SYT1: variants seen among roughly 807,000 people sequenced by gnomAD.
The protein encoded by SYT1 is synaptotagmin 1.
A neutral mutation model predicts 44.8 loss-of-function variants in SYT1; 8 were observed. The ratio of observed to expected loss-of-function variants is 0.18; its 90% confidence interval spans 0.10 to 0.32. SYT1 has a LOEUF of 0.32. Among genes scored for constraint, SYT1 ranks in the 10% least tolerant of loss-of-function variants. The pLI, the probability that SYT1 is intolerant of heterozygous loss-of-function variation, is 1.00. For synonymous variants in SYT1, 154 were observed against 188.8 expected, an observed-to-expected ratio of 0.82 and a Z score of 1.51; for missense variants, 286 against 509.3, an observed-to-expected ratio of 0.56 and a Z score of 4.22.
chr12:78,924,776 C>T (rs924107696), intron 1 of SYT1, among the ~76,000 whole-genome samples: 6 of 151,178 alleles, frequency 4.0e-5, no homozygotes, highest in African/African-American at 1.5e-4. Flanking sequence ...TCTTTGAATA[C>T]ATCCCTAATT....
At chr12:78,989,994 C>A (rs1164893081) in intron 2 of SYT1, among the ~76,000 whole-genome samples, 3 of 152,030 alleles carry the variant, frequency 2.0e-5, no homozygotes, top group Non-Finnish European at 4.4e-5. Context: ...GATAGACAGA[C>A]CTGTTGAATC....
At chr12:79,302,591 A>G (rs1371059103) in intron 8 of SYT1, among the ~76,000 whole-genome samples, 1 of 152,170 alleles carries the variant, frequency 6.6e-6, no homozygotes, top group East Asian at 1.9e-4. Context: ...TGGAAGAGAT[A>G]AGGTGTACCA....
intron 3 of SYT1, among the ~76,000 whole-genome samples, chr12:79,058,662 C>T (rs897191619): frequency 6.6e-6 from 1 of 152,044 alleles, no homozygotes; most frequent in African/African-American, 2.4e-5. Flanking sequence ...TTCCCGACCC[C>T]CACACCACAA....
rs376719678 is a variant in SYT1 at position 78,943,279 on chromosome 12, T to C, written c.-216-34520T>C. On this transcript the variant is annotated intron_variant, in intron 1 of 10. Transcript: ENST00000261205. ...GTAATTTATAAAGAAAAGAATTTAA[T>C]AGGTTCATGGGCCCGCAGGCTTTAT... Among the ~76,000 whole-genome samples, 48 of 152,204 alleles carry C rather than the reference T, an allele frequency of 3.2e-4. No homozygotes were observed. The East Asian group carries it at 6.2e-3, about 20-fold the overall frequency.
At chr12:79,240,230 CT>C (rs1421799107) in intron 4 of SYT1, among the ~76,000 whole-genome samples, 1 of 152,080 alleles carries the variant, frequency 6.6e-6, no homozygotes, top group East Asian at 1.9e-4. Flanking sequence ...AGAATTGTTA[CT>C]TTATGAAAAG....
At chr12:79,046,507 C>G (rs1012706747) in intron 2 of SYT1, 7 of 152,150 alleles carry the variant, frequency 4.6e-5, no homozygotes, top group Admixed American at 4.6e-4. Context: ...ACATGTCAAA[C>G]CAAATCAGAA....
At chr12:79,345,351 T>G (rs540979484) in intron 8 of SYT1, among the ~76,000 whole-genome samples, 1 of 152,320 alleles carries the variant, frequency 6.6e-6, no homozygotes, top group East Asian at 1.9e-4. Context: ...GTTTCAATCT[T>G]CACCTCCTAT....
chr12:79,164,947 A>C (rs770508271), intron 3 of SYT1, among the ~76,000 whole-genome samples: 1 of 152,022 alleles, frequency 6.6e-6, no homozygotes, highest in African/African-American at 2.4e-5. Context: ...CCTTTTGGCT[A>C]TCATTGGTCT....
At chr12:79,388,200 A>G (rs1165373219) in intron 9 of SYT1, among the ~76,000 whole-genome samples, 1 of 152,204 alleles carries the variant, frequency 6.6e-6, no homozygotes, top group Non-Finnish European at 1.5e-5. Context: ...AGGAAACTGT[A>G]GCTGGAGCTG....
At chr12:79,061,461 T>C (rs1201368204) in intron 3 of SYT1, among the ~76,000 whole-genome samples, 1 of 152,118 alleles carries the variant, frequency 6.6e-6, no homozygotes, top group East Asian at 1.9e-4. Flanking sequence ...CTGGCAGAGT[T>C]GGCATTTGAG....
chr12:79,398,891 T>G (rs1884969494), intron 9 of SYT1, among the ~76,000 whole-genome samples: 1 of 152,160 alleles, frequency 6.6e-6, no homozygotes, highest in Non-Finnish European at 1.5e-5. Context: ...CCTTTTACAG[T>G]ATTTTTGCCA....
intron 3 of SYT1, among the ~76,000 whole-genome samples, chr12:79,150,238 G>A (rs550629382): frequency 1.3e-5 from 2 of 152,232 alleles, no homozygotes; most frequent in South Asian, 4.1e-4. Context: ...TAAAGAAAAT[G>A]TGGTATATAC....
rs545801672 is a variant in SYT1, at chr12:79,256,129, T to G, written c.167-29658T>G. On this transcript the variant is annotated intron_variant, in intron 4 of 10. Transcript: ENST00000261205. ...TGACATATTTTGCAGTTTGAAAGCA[T>G]GGATTTCAGTTAAACATTAAAAGCA... Among the ~76,000 whole-genome samples the G allele has an allele frequency of 9.5e-4, 145 of 152,330 alleles. 1 individual carries two copies. In the Middle Eastern group the frequency reaches 0.01, roughly 11 times the overall value.
chr12:79,445,746 C>A (rs1870672751), intron 10 of SYT1, among the ~76,000 whole-genome samples: 1 of 150,248 alleles, frequency 6.7e-6, no homozygotes, highest in Non-Finnish European at 1.5e-5. Context: ...TGAATAGTGC[C>A]ATACCACTCT....
At chr12:79,033,598 G>A (rs1345044766) in intron 2 of SYT1, among the ~76,000 whole-genome samples, 5 of 151,278 alleles carry the variant, frequency 3.3e-5, no homozygotes, top group Middle Eastern at 3.2e-3. Context: ...TTATCAGTAT[G>A]TTTCATCCAT....
At chr12:79,161,393 C>T (rs1870940810) in intron 3 of SYT1, among the ~76,000 whole-genome samples, 1 of 152,122 alleles carries the variant, frequency 6.6e-6, no homozygotes, top group Admixed American at 6.6e-5. Context: ...AAAAAGGCTA[C>T]ACCATATAAC....
intron 3 of SYT1, among the ~76,000 whole-genome samples, chr12:79,159,012 T>A (rs1870781041): frequency 6.6e-6 from 1 of 152,126 alleles, no homozygotes; most frequent in African/African-American, 2.4e-5. Flanking sequence ...CTTGATGAAG[T>A]CTGTAAAAAA....
intron 2 of SYT1, among the ~76,000 whole-genome samples, chr12:79,014,766 G>A (rs1483380194): frequency 6.6e-6 from 1 of 152,048 alleles, no homozygotes; most frequent in Non-Finnish European, 1.5e-5. Context: ...GCACACGTAT[G>A]TTTATTGCGG....
intron 2 of SYT1, among the ~76,000 whole-genome samples, chr12:79,008,633 T>C (rs1370885294): frequency 6.6e-6 from 1 of 152,042 alleles, no homozygotes; most frequent in African/African-American, 2.4e-5. Flanking sequence ...ACAGAATAGA[T>C]AGGTTATGAT....
Sources: gnomAD v4.1 joint callset for allele counts (sites outside exome capture counted in the v4.1 genomes callset) on GRCh38, gnomAD v4.1.1 for gene constraint, MANE v1.5 for transcripts, NCBI Gene and HGNC (gene_info 2026-07-23, HGNC 2026-07-21) for gene names.